CSGALNACT1: variants seen among roughly 807,000 people sequenced by gnomAD.
CSGALNACT1 encodes the protein chondroitin sulfate N-acetylgalactosaminyltransferase 1, also known as beta4GalNAcT-1.
A neutral mutation model predicts 51.0 loss-of-function variants in CSGALNACT1; 52 were observed. The observed-to-expected ratio is 1.02, with a 90% CI of 0.82 to 1.29. CSGALNACT1 has a LOEUF of 1.29. CSGALNACT1 is among the 50% of genes most tolerant of loss of function. The pLI, the probability that CSGALNACT1 is intolerant of heterozygous loss-of-function variation, is 0.00. For missense variants in CSGALNACT1, 935 were observed against 679.2 expected, an observed-to-expected ratio of 1.38 and a Z score of -4.19; for synonymous variants, 341 against 254.4, an observed-to-expected ratio of 1.34 and a Z score of -3.24.
At chr8:19,461,462 G>T (rs1210442569) in intron 4 of CSGALNACT1, among the ~76,000 whole-genome samples, 3 of 151,942 alleles carry the variant, frequency 2.0e-5, no homozygotes, top group Non-Finnish European at 4.4e-5. Flanking sequence ...TAACTGCACA[G>T]CAGCCACATT....
chr8:19,676,200 G>A (rs1209458397), intron 1 of CSGALNACT1, among the ~76,000 whole-genome samples: 2 of 151,806 alleles, frequency 1.3e-5, no homozygotes, highest in Non-Finnish European at 1.5e-5. Context: ...CAAAGAAATG[G>A]AGAAATGTCA....
chr8:19,547,444 G>A (rs2086732376), intron 3 of CSGALNACT1, among the ~76,000 whole-genome samples: 1 of 156 alleles, frequency 6.4e-3, no homozygotes, highest in Admixed American at 0.17. Context: ...AATCATGGGG[G>A]TGGTTTCCCC....
chr8:19,740,802 G>A (rs1308971984), intron 1 of CSGALNACT1, among the ~76,000 whole-genome samples: 1 of 152,124 alleles, frequency 6.6e-6, no homozygotes, highest in African/African-American at 2.4e-5. Context: ...ATATGACCAG[G>A]AAGCACATGT....
chr8:19,634,758 G>A (rs933091382), intron 1 of CSGALNACT1, among the ~76,000 whole-genome samples: 1 of 152,134 alleles, frequency 6.6e-6, no homozygotes, highest in Non-Finnish European at 1.5e-5. Flanking sequence ...GCCAATAAGA[G>A]AGCCCTTACC....
At chr8:19,657,102 G>A (rs1282878341) in intron 1 of CSGALNACT1, among the ~76,000 whole-genome samples, 1 of 146,754 alleles carries the variant, frequency 6.8e-6, no homozygotes, top group African/African-American at 2.5e-5. Context: ...ATAAAACCAT[G>A]TAAAATAAGT....
At chr8:19,627,136 C>T (rs28840804) in intron 1 of CSGALNACT1, among the ~76,000 whole-genome samples, 6,016 of 152,216 alleles carry the variant, frequency 0.04, 414 homozygotes, top group African/African-American at 0.14. Flanking sequence ...AGCCAAGAAA[C>T]TGACACCAAC....
chr8:19,680,318 G>A (rs1287189728), intron 1 of CSGALNACT1, among the ~76,000 whole-genome samples: 6 of 152,176 alleles, frequency 3.9e-5, no homozygotes, highest in African/African-American at 9.7e-5. Context: ...CGCTTTGGGA[G>A]GCCAAGGCAG....
chr8:19,535,180 T>C (rs1229952809), intron 3 of CSGALNACT1, among the ~76,000 whole-genome samples: 2 of 152,182 alleles, frequency 1.3e-5, no homozygotes, highest in Non-Finnish European at 2.9e-5. Flanking sequence ...GCTACTGACA[T>C]ATAAATGACA....
At chr8:19,605,532 T>C (rs773609770), upstream of CSGALNACT1, among the ~76,000 whole-genome samples, 1 of 152,204 alleles carries the variant, frequency 6.6e-6, no homozygotes, top group African/African-American at 2.4e-5. Context: ...ATGTTCTCCA[T>C]AGCTTGGCAC....
intron 3 of CSGALNACT1, among the ~76,000 whole-genome samples, chr8:19,547,070 T>C (rs938055091): frequency 2.0e-5 from 3 of 152,164 alleles, no homozygotes; most frequent in Admixed American, 6.6e-5. Flanking sequence ...GGGTTTTCTA[T>C]ACCCAAGAAT....
At chr8:19,433,601 T>A (rs2059958672) in intron 6 of CSGALNACT1, among the ~76,000 whole-genome samples, 1 of 152,236 alleles carries the variant, frequency 6.6e-6, no homozygotes, top group South Asian at 2.1e-4. Flanking sequence ...GGAAGAGCTC[T>A]GAGTCAGGTC....
intron 4 of CSGALNACT1, among the ~76,000 whole-genome samples, chr8:19,484,026 G>C (rs2072206253): frequency 6.6e-6 from 1 of 152,142 alleles, no homozygotes; most frequent in East Asian, 1.9e-4. Context: ...ACTTTGTCCT[G>C]CATACCTAGG....
At chr8:19,443,368 CAT>C (rs1360363478) in intron 5 of CSGALNACT1, among the ~76,000 whole-genome samples, 1 of 152,146 alleles carries the variant, frequency 6.6e-6, no homozygotes, top group Non-Finnish European at 1.5e-5. Context: ...ATTATGTACA[CAT>C]GTGTACAGTT....
At chr8:19,676,466 GGTA>G (rs2060199496) in intron 1 of CSGALNACT1, among the ~76,000 whole-genome samples, 1 of 152,174 alleles carries the variant, frequency 6.6e-6, no homozygotes, top group Admixed American at 6.5e-5. Flanking sequence ...GCAGAATGGA[GGTA>G]ACAGTCAAGA....
intron 1 of CSGALNACT1, among the ~76,000 whole-genome samples, chr8:19,744,909 C>A (rs2064554104): frequency 6.6e-6 from 1 of 152,180 alleles, no homozygotes; most frequent in South Asian, 2.1e-4. Context: ...AAACTATGGT[C>A]CCTATACTCC....
intron 1 of CSGALNACT1, among the ~76,000 whole-genome samples, chr8:19,691,560 A>T (rs1377181903): frequency 6.6e-6 from 1 of 152,180 alleles, no homozygotes; most frequent in Non-Finnish European, 1.5e-5. Context: ...GTGGGGCAGC[A>T]CCCAGTCCTG....
intron 5 of CSGALNACT1, among the ~76,000 whole-genome samples, chr8:19,446,528 C>T (rs2062146517): frequency 6.6e-6 from 1 of 152,158 alleles, no homozygotes; most frequent in African/African-American, 2.4e-5. Flanking sequence ...TTCATTCACT[C>T]ATTCAGTTAC....
intron 3 of CSGALNACT1, among the ~76,000 whole-genome samples, chr8:19,530,418 C>T (rs1026184729): frequency 9.2e-5 from 14 of 152,058 alleles, no homozygotes; most frequent in African/African-American, 3.1e-4. Flanking sequence ...ATCTATAACT[C>T]TTTGCTTCAT....
intron 4 of CSGALNACT1, among the ~76,000 whole-genome samples, chr8:19,459,514 T>C (rs1210998319): frequency 6.6e-6 from 1 of 151,812 alleles, no homozygotes; most frequent in African/African-American, 2.4e-5. Flanking sequence ...CTCTGGAAGC[T>C]TCTAGAAGCA....
Sources: allele counts gnomAD v4.1 joint callset (sites outside exome capture counted in the v4.1 genomes callset), GRCh38; gene constraint gnomAD v4.1.1; transcripts MANE v1.5; gene names NCBI Gene and HGNC (gene_info 2026-07-23, HGNC 2026-07-21).